Variants in PIR observed in about 807,000 individuals in gnomAD.
PIR encodes the protein pirin, also known as pirin (iron-binding nuclear protein).
A neutral mutation model predicts 24.2 loss-of-function variants in PIR; 22 were observed. The ratio of observed to expected loss-of-function variants is 0.91; its 90% CI spans 0.65 to 1.30. PIR has a LOEUF of 1.30. Among genes scored for constraint, PIR ranks in the 50% most tolerant of loss-of-function variants. PIR has a pLI of 0.00. For missense variants in PIR, 220 were observed against 220.3 expected, an observed-to-expected ratio of 1.00 and a Z score of 0.01; for synonymous variants, 80 against 79.6, an observed-to-expected ratio of 1.00 and a Z score of -0.03.
intron 5 of PIR, among the ~76,000 whole-genome samples, chrX:15,437,957 A>T (rs1163247537): frequency 8.9e-6 from 1 of 112,643 alleles, no homozygotes; most frequent in Non-Finnish European, 1.9e-5. Context: ...TTGTCTGAGC[A>T]CTGCCCAAAT....
chrX:15,403,626 G>T (rs1170779048), intron 7 of PIR, among the ~76,000 whole-genome samples: 1 of 110,042 alleles, frequency 9.1e-6, no homozygotes, highest in Non-Finnish European at 1.9e-5. Context: ...ACAGATTCCA[G>T]CTGTGGGCTG....
chrX:15,490,832 C>T (rs7064007), intron 2 of PIR, among the ~76,000 whole-genome samples: 2,206 of 111,871 alleles, frequency 0.02, 55 homozygotes, highest in African/African-American at 0.068. Context: ...GGCAAATAAA[C>T]TTAGGGGCTG....
chrX:15,398,071 T>C (rs1057024403), intron 7 of PIR, among the ~76,000 whole-genome samples: 3 of 97,870 alleles, frequency 3.1e-5, no homozygotes, highest in Non-Finnish European at 6.3e-5. Flanking sequence ...TATTGAATAA[T>C]AGCTATTGAA....
At chrX:15,473,337 G>A (rs1222622868) in intron 3 of PIR, among the ~76,000 whole-genome samples, 1 of 111,015 alleles carries the variant, frequency 9.0e-6, no homozygotes, top group Non-Finnish European at 1.9e-5. Context: ...CCCCCCCATA[G>A]CAAAGAATTA....
intron 5 of PIR, among the ~76,000 whole-genome samples, chrX:15,444,194 C>T (rs1177283108): frequency 8.9e-6 from 1 of 111,758 alleles, no homozygotes; most frequent in Non-Finnish European, 1.9e-5. Context: ...TTTTAAGAAA[C>T]TGCCACAGCC....
chrX:15,468,339 C>A (rs187310317), intron 3 of PIR, among the ~76,000 whole-genome samples: 92 of 112,237 alleles, frequency 8.2e-4, no homozygotes, highest in African/African-American at 2.9e-3. Context: ...ATTAAGGGAT[C>A]AGCTATGTTG....
At position 15,384,908 on chromosome X, in the gene PIR, G is replaced by T. The variant is rs6632532; in HGVS notation, c.*96C>A. The stretch of plus-strand genomic sequence containing the variant: ...TAGTGTGGAATTCTTTAGAAGCACC[G>T]GCTAAATAAGCTTTAGAAATGGAAT... On this transcript the variant is annotated 3_prime_UTR_variant, in exon 10 of 10. Coordinates refer to ENST00000380420, the MANE Select transcript of PIR (RefSeq NM_001018109.3). The T allele has an allele frequency of 0.069, 30,936 of 450,647 alleles. 1,632 individuals are homozygous for T. The highest frequency in any genetic ancestry group is 0.27 in the African/African-American group (11,067 of 40,492). 37.1% of individuals were successfully genotyped at this position (450,647 alleles called of 1,213,427 possible).
chrX:15,405,835 T>C (rs969372786), intron 7 of PIR, among the ~76,000 whole-genome samples: 2 of 112,673 alleles, frequency 1.8e-5, no homozygotes, highest in East Asian at 2.8e-4. Context: ...TGACCCCTAA[T>C]TGAAATGCTA....
chrX:15,423,599 G>C (rs1925207076), intron 6 of PIR, among the ~76,000 whole-genome samples: 1 of 102,137 alleles, frequency 9.8e-6, no homozygotes, highest in Non-Finnish European at 2.0e-5. Flanking sequence ...CTGGGTGACA[G>C]AGCAAGACTC....
chrX:15,466,444 G>A (rs1310389624), intron 3 of PIR, among the ~76,000 whole-genome samples: 1 of 111,796 alleles, frequency 8.9e-6, no homozygotes, highest in Non-Finnish European at 1.9e-5. Context: ...AGAGACTCCC[G>A]CCACTCTGCC....
At chrX:15,422,934 A>G (rs1925184854) in intron 6 of PIR, among the ~76,000 whole-genome samples, 1 of 112,089 alleles carries the variant, frequency 8.9e-6, no homozygotes, top group African/African-American at 3.2e-5. Context: ...ACAGAGCTAT[A>G]GTAATCAAAT....
chrX:15,455,826 T>C (rs751041070), intron 5 of PIR, 22 bp downstream of exon 5: 49 of 1,163,312 alleles, frequency 4.2e-5, no homozygotes, highest in South Asian at 1.6e-4. Flanking sequence ...TCAGGTTAAA[T>C]AGACACAATA....
At chrX:15,415,306 G>A (rs1924876949) in intron 6 of PIR, among the ~76,000 whole-genome samples, 1 of 111,753 alleles carries the variant, frequency 8.9e-6, no homozygotes, top group South Asian at 3.8e-4. Context: ...GGTTCTTAGA[G>A]CAGTTTCTGG....
chrX:15,467,737 C>A (rs1921676066), intron 3 of PIR, among the ~76,000 whole-genome samples: 1 of 111,543 alleles, frequency 9.0e-6, no homozygotes, highest in Admixed American at 9.5e-5. Flanking sequence ...TCAAGTCTCC[C>A]AAACCTATTT....
rs375799935 is a variant in PIR, at chrX:15,397,551, C to G, written c.611-20G>C. The G allele has an allele frequency of 9.3e-7, 1 of 1,073,211 alleles. No homozygotes were observed. Among genetic ancestry groups the G allele is most frequent in the Non-Finnish European group, 1.3e-6 (1 of 770,571 alleles). 88.4% of individuals were successfully genotyped at this position (1,073,211 alleles called of 1,213,427 possible). A position where few individuals can be genotyped will look rare whatever the true frequency, so the allele number is the denominator to read the frequency against. On this transcript the variant is annotated intron_variant, in intron 7 of 9. Coordinates refer to ENST00000380420, the MANE Select transcript of PIR (RefSeq NM_001018109.3). ...CGGGCCCTACAAAACCAATGACACACTAATTTAATACCCATTATAGTACAT... is the reference window on the plus strand; with the variant it reads ...CGGGCCCTACAAAACCAATGACACAGTAATTTAATACCCATTATAGTACAT...
In PIR at chrX:15,396,773, A is replaced by G. The variant is rs1359673190; in HGVS notation, c.693+676T>C. The stretch of plus-strand genomic sequence containing the variant: ...TTTTTTTTTTTTGAGACGGAGTCTC[A>G]CTGTGTTGCCCAGCTGGAGTGCAGT... On this transcript the variant is annotated intron_variant, in intron 8 of 9. Transcript: ENST00000380420. Among the ~76,000 whole-genome samples the G allele has an allele frequency of 6.5e-4, 42 of 64,281 alleles. 1 individual carries two copies. Among genetic ancestry groups the G allele is most frequent in the Non-Finnish European group, 1.1e-3 (31 of 28,996 alleles). 55.8% of individuals were successfully genotyped at this position (64,281 alleles called of 115,157 possible). A position where few individuals can be genotyped will look rare whatever the true frequency, so the allele number is the denominator to read the frequency against.
chrX:15,416,371 T>C (rs1924916400), intron 6 of PIR, among the ~76,000 whole-genome samples: 1 of 111,689 alleles, frequency 9.0e-6, no homozygotes, highest in African/African-American at 3.3e-5. Flanking sequence ...TCCTTAAAAG[T>C]AGAGAAAGAC....
chrX:15,414,087 T>G (rs1451668040), intron 6 of PIR, among the ~76,000 whole-genome samples: 1 of 112,473 alleles, frequency 8.9e-6, no homozygotes, highest in Non-Finnish European at 1.9e-5. Flanking sequence ...GCCTTCTGCA[T>G]GCCCAGAATG....
intron 5 of PIR, among the ~76,000 whole-genome samples, chrX:15,431,361 T>C (rs1035343940): frequency 3.6e-5 from 4 of 112,081 alleles, no homozygotes; most frequent in East Asian, 5.6e-4. Flanking sequence ...AGTGAAATTA[T>C]AGATGTAAAG....
Sources: allele counts gnomAD v4.1 joint callset (sites outside exome capture counted in the v4.1 genomes callset), GRCh38; gene constraint gnomAD v4.1.1; transcripts MANE v1.5; gene names NCBI Gene and HGNC (gene_info 2026-07-23, HGNC 2026-07-21).